PPFIA2: variants seen among roughly 807,000 people sequenced by gnomAD.
The protein encoded by PPFIA2 is PPFI scaffold protein A2.
PPFIA2 carries 46 observed loss-of-function variants against 175.5 expected under a neutral mutation model. That is an observed-to-expected ratio of 0.26 (90% CI 0.21 to 0.34). The LOEUF (loss-of-function observed/expected upper bound fraction) is 0.34, where lower values mean the gene tolerates loss of function less well. Ranked by LOEUF, PPFIA2 falls within the 10% of genes least tolerant of loss-of-function variation. PPFIA2 has a pLI of 1.00. For missense variants in PPFIA2, 1,179 were observed against 1,506.1 expected (o/e 0.78, Z 3.60); for synonymous variants, 568 against 511.4 (o/e 1.11, Z -1.49).
chr12:81,474,644 A>C (rs1003286244), intron 4 of PPFIA2, among the ~76,000 whole-genome samples: 1 of 152,190 alleles, frequency 6.6e-6, no homozygotes, highest in Non-Finnish European at 1.5e-5. Context: ...TTGTAAATAC[A>C]TACTAGCACC....
At chr12:81,747,804 A>G (rs1336127365) in intron 3 of PPFIA2, among the ~76,000 whole-genome samples, 1 of 144,104 alleles carries the variant, frequency 6.9e-6, no homozygotes, top group East Asian at 2.1e-4. Context: ...TATAAGATTT[A>G]CTCAAATAGT....
intron 4 of PPFIA2, among the ~76,000 whole-genome samples, chr12:81,490,468 A>G (rs1522317): frequency 0.013 from 1,938 of 151,936 alleles, 40 homozygotes; most frequent in African/African-American, 0.044. Flanking sequence ...CCAACATACT[A>G]CTTCTTCTCA....
Position 81,528,405 on chromosome 12 carries a change from C to T in PPFIA2, c.304-70539G>A, listed in dbSNP as rs564202354. 7.2e-5 allele frequency among the ~76,000 whole-genome samples: 11 copies of T among 152,136 alleles called. No individual in the cohort carries two copies. In the East Asian group the frequency reaches 2.1e-3, roughly 29 times the overall value. On this transcript the variant is annotated intron_variant, in intron 4 of 32. Coordinates refer to ENST00000549396, the MANE Select transcript of PPFIA2 (RefSeq NM_003625.5). ...CTACTGAAGAAAATATCCGTACGCA[C>T]TTTATATAGTCTAGAGACTGAATTT...
intron 8 of PPFIA2, among the ~76,000 whole-genome samples, chr12:81,386,327 A>G (rs2038955839): frequency 6.6e-6 from 1 of 150,814 alleles, no homozygotes; most frequent in African/African-American, 2.4e-5. Flanking sequence ...AAATAAGAAA[A>G]GAAAAGAAAG....
intron 22 of PPFIA2, among the ~76,000 whole-genome samples, chr12:81,321,452 G>A (rs1439744681): frequency 6.6e-6 from 1 of 152,058 alleles, no homozygotes; most frequent in Admixed American, 6.6e-5. Flanking sequence ...TAATTCCCTT[G>A]TAAGCTCATA....
intron 4 of PPFIA2, among the ~76,000 whole-genome samples, chr12:81,459,200 G>T (rs888214641): frequency 6.6e-6 from 1 of 152,030 alleles, no homozygotes; most frequent in African/African-American, 2.4e-5. Flanking sequence ...TTTCTTCCCT[G>T]ATTGCCGCCT....
intron 4 of PPFIA2, among the ~76,000 whole-genome samples, chr12:81,600,136 T>A (rs1432740859): frequency 6.6e-6 from 1 of 151,952 alleles, no homozygotes; most frequent in Non-Finnish European, 1.5e-5. Flanking sequence ...AAATTAAGCT[T>A]GGCCCCTTGG....
chr12:81,269,056 C>A (rs144197584), intron 28 of PPFIA2, among the ~76,000 whole-genome samples: 295 of 152,082 alleles, frequency 1.9e-3, no homozygotes, highest in African/African-American at 6.8e-3. Flanking sequence ...GAAAAAATTT[C>A]TTTGATTTTT....
At chr12:81,529,650 T>C (rs1309664947) in intron 4 of PPFIA2, among the ~76,000 whole-genome samples, 3 of 151,920 alleles carry the variant, frequency 2.0e-5, no homozygotes, top group Non-Finnish European at 4.4e-5. Flanking sequence ...TTTTGTTCAA[T>C]GTCAGCTGAA....
chr12:81,497,157 C>G (rs532449260), intron 4 of PPFIA2, among the ~76,000 whole-genome samples: 3 of 152,284 alleles, frequency 2.0e-5, no homozygotes, highest in Admixed American at 2.0e-4. Flanking sequence ...CTAGAGACAA[C>G]CAAATGTTTA....
In PPFIA2 at chr12:81,365,976, CCCTCCCTCCCTTCCTTCCTT is replaced by C. The variant is rs1218776554; in HGVS notation, c.1545+1112_1545+1131del. On this transcript the variant is annotated intron_variant, in intron 14 of 32. Transcript: ENST00000549396. Reference sequence around the variant, plus strand: ...TATCCCATACTATCCCTCCCTCCCTCCCTCCCTCCCTTCCTTCCTTCCTTCCTTCCTTCCTTCCTTCCTTC... The same window carrying C: ...TATCCCATACTATCCCTCCCTCCCTCCCTTCCTTCCTTCCTTCCTTCCTTC... 1.5e-3 allele frequency among the ~76,000 whole-genome samples: 111 copies of C among 74,724 alleles called. 1 individual carries two copies. The highest frequency in any genetic ancestry group is 4.4e-3 in the East Asian group (7 of 1,598). The allele number at this position is 74,724 out of a possible 152,430, so 49.0% of individuals were successfully genotyped here. A position where few individuals can be genotyped will look rare whatever the true frequency, so the allele number is the denominator to read the frequency against.
At chr12:81,445,993 T>A (rs186235258) in intron 5 of PPFIA2, among the ~76,000 whole-genome samples, 1 of 152,198 alleles carries the variant, frequency 6.6e-6, no homozygotes, top group Non-Finnish European at 1.5e-5. Flanking sequence ...ATAATTTCAG[T>A]ACGAATTCAG....
At chr12:81,264,308 C>T (rs1349004025) in intron 30 of PPFIA2, among the ~76,000 whole-genome samples, 2 of 152,156 alleles carry the variant, frequency 1.3e-5, no homozygotes, top group Non-Finnish European at 2.9e-5. Context: ...TCTTTGTGTA[C>T]ATAAAGTACT....
chr12:81,542,670 G>C (rs553114461), intron 4 of PPFIA2, among the ~76,000 whole-genome samples: 1 of 151,954 alleles, frequency 6.6e-6, no homozygotes, highest in East Asian at 1.9e-4. Context: ...CTTTTCTAAA[G>C]CTTTTACCTT....
At chr12:81,591,015 C>A (rs2058613299) in intron 4 of PPFIA2, among the ~76,000 whole-genome samples, 1 of 152,046 alleles carries the variant, frequency 6.6e-6, no homozygotes, top group Non-Finnish European at 1.5e-5. Flanking sequence ...AAATGTGGGA[C>A]AATTTGGAAC....
chr12:81,583,834 C>T (rs1452838084), intron 4 of PPFIA2, among the ~76,000 whole-genome samples: 2 of 151,940 alleles, frequency 1.3e-5, no homozygotes, highest in East Asian at 1.9e-4. Context: ...TGGAGAAGCT[C>T]TGCCTAGAAT....
intron 4 of PPFIA2, among the ~76,000 whole-genome samples, chr12:81,515,222 T>C (rs1266697328): frequency 6.6e-6 from 1 of 151,878 alleles, no homozygotes; most frequent in Non-Finnish European, 1.5e-5. Context: ...CTAATTCAAG[T>C]AATGGGGGGT....
intron 8 of PPFIA2, among the ~76,000 whole-genome samples, chr12:81,389,212 GATAA>G (rs1301787545): frequency 6.8e-6 from 1 of 146,056 alleles, no homozygotes; most frequent in Non-Finnish European, 1.5e-5. Flanking sequence ...ATATAATATT[GATAA>G]ATATTTATTT....
At chr12:81,335,606 T>A (rs1385947718) in intron 21 of PPFIA2, among the ~76,000 whole-genome samples, 1 of 151,904 alleles carries the variant, frequency 6.6e-6, no homozygotes, top group Non-Finnish European at 1.5e-5. Context: ...TAGCCAGGCA[T>A]GGTGGTGGGT....
Sources: allele counts gnomAD v4.1 joint callset (sites outside exome capture counted in the v4.1 genomes callset), GRCh38; gene constraint gnomAD v4.1.1; transcripts MANE v1.5; gene names NCBI Gene and HGNC (gene_info 2026-07-23, HGNC 2026-07-21).